Variants in SHROOM4 observed in about 807,000 individuals in gnomAD.
SHROOM4 encodes protein Shroom4.
SHROOM4 carries 17 observed loss-of-function variants against 80.3 expected under a neutral mutation model. The ratio of observed to expected loss-of-function variants is 0.21; its 90% confidence interval spans 0.14 to 0.32. SHROOM4 has a LOEUF of 0.32. Ranked by LOEUF, SHROOM4 falls within the 10% of genes least tolerant of loss-of-function variation. The pLI, the probability that SHROOM4 is intolerant of heterozygous loss-of-function variation, is 1.00. For missense variants in SHROOM4, 993 were observed against 1,140.3 expected (o/e 0.87, Z 1.86); for synonymous variants, 400 against 437.5 (o/e 0.91, Z 1.07).
intron 1 of SHROOM4, among the ~76,000 whole-genome samples, chrX:50,716,019 A>G (rs1461270077): frequency 9.0e-6 from 1 of 111,012 alleles, no homozygotes; most frequent in East Asian, 2.8e-4. Context: ...ACACTATGCA[A>G]CCTTAAAAAT....
At chrX:50,721,350 T>C (rs1370622622) in intron 1 of SHROOM4, among the ~76,000 whole-genome samples, 2 of 112,758 alleles carry the variant, frequency 1.8e-5, no homozygotes, top group Non-Finnish European at 3.8e-5. Context: ...TGAGGGCTGC[T>C]GGTTGCCCAT....
At chrX:50,777,902 A>G (rs1557270282) in intron 1 of SHROOM4, among the ~76,000 whole-genome samples, 1 of 112,218 alleles carries the variant, frequency 8.9e-6, no homozygotes, top group African/African-American at 3.2e-5. Context: ...TTCTTTTTCA[A>G]ACATTAGAGT....
chrX:50,596,379 C>T lies in SHROOM4; in HGVS notation c.*316G>A. 2.3e-6 allele frequency: 1 copy of T among 432,589 alleles called. No homozygotes were observed. Among genetic ancestry groups the T allele is most frequent in the African/African-American group, 2.4e-5 (1 of 42,223 alleles). The allele number at this position is 432,589 out of a possible 1,213,427, so 35.7% of individuals were successfully genotyped here. A position where few individuals can be genotyped will look rare whatever the true frequency, so the allele number is the denominator to read the frequency against. On this transcript the variant is annotated 3_prime_UTR_variant, in exon 9 of 9. Transcript: ENST00000376020. ...ATGAGTACTTGATGTCTTTGGTGTC[C>T]TAGTACAAAGCAGAATGAAGGCACT...
chrX:50,738,430 C>T (rs1557266900), intron 1 of SHROOM4, among the ~76,000 whole-genome samples: 1 of 111,263 alleles, frequency 9.0e-6, no homozygotes, highest in East Asian at 2.8e-4. Flanking sequence ...TTAGAAAACC[C>T]CATCGTCTCA....
the SHROOM4 span, among the ~76,000 whole-genome samples, chrX:50,579,973 G>A: frequency 1.8e-5 from 2 of 111,711 alleles, no homozygotes; most frequent in African/African-American, 3.3e-5. Flanking sequence ...TACTTGCTGT[G>A]TTCAAAGCAG....
At chrX:50,794,635 A>AAC (rs1331909075) in intron 1 of SHROOM4, among the ~76,000 whole-genome samples, 20 of 41,211 alleles carry the variant, frequency 4.9e-4, no homozygotes, top group Non-Finnish European at 6.3e-4. Context: ...GACACACACA[A>AAC]ACACACACAC....
At chrX:50,762,806 C>T (rs1935189201) in intron 1 of SHROOM4, among the ~76,000 whole-genome samples, 1 of 111,562 alleles carries the variant, frequency 9.0e-6, no homozygotes, top group Admixed American at 9.5e-5. Context: ...CATTTATTTT[C>T]TTGCTGCTCT....
At chrX:50,735,729 T>A (rs1934469809) in intron 1 of SHROOM4, among the ~76,000 whole-genome samples, 1 of 111,588 alleles carries the variant, frequency 9.0e-6, no homozygotes, top group Non-Finnish European at 1.9e-5. Flanking sequence ...TTAACGTGGC[T>A]GGGCGCAGTG....
intron 1 of SHROOM4, among the ~76,000 whole-genome samples, chrX:50,786,995 T>C (rs1436957595): frequency 1.8e-5 from 2 of 110,607 alleles, no homozygotes; most frequent in Admixed American, 1.9e-4. Flanking sequence ...GGCAGGAGGA[T>C]TGCTTGAGGC....
At chrX:50,683,432 A>G in intron 2 of SHROOM4, among the ~76,000 whole-genome samples, 1 of 111,841 alleles carries the variant, frequency 8.9e-6, no homozygotes, top group South Asian at 3.8e-4. Flanking sequence ...GCATTTTAAA[A>G]GATGACTCTG....
At chrX:50,617,715 G>A (rs1333810299) in intron 5 of SHROOM4, among the ~76,000 whole-genome samples, 1 of 104,034 alleles carries the variant, frequency 9.6e-6, no homozygotes, top group Non-Finnish European at 1.9e-5. Flanking sequence ...CCAAGTCATG[G>A]AACTGTGACC....
At chrX:50,663,809 A>T (rs566235028) in intron 2 of SHROOM4, among the ~76,000 whole-genome samples, 2 of 111,397 alleles carry the variant, frequency 1.8e-5, no homozygotes, top group East Asian at 5.7e-4. Context: ...ACTCATTTTG[A>T]TAACCACGTA....
chrX:50,638,200 C>A lies in SHROOM4; in HGVS notation c.378G>T (p.Leu126Phe). The change falls in exon 3 of 9, where the codon TTG becomes TTT. Residue 126 changes from leucine (L) to phenylalanine (F), a missense_variant. Transcript: ENST00000376020. ...TTGTGTTGCAGCCAGAATGCCAGGA[C>A]AAGCTGAAGGCTTCAGAAGGGAAAT... is the stretch of plus-strand genomic sequence containing the variant. ...TMHFPSEAFS[L>F]SWHSGCNTSD... 8.3e-7 allele frequency: 1 copy of A among 1,208,296 alleles called. No individual in the cohort carries two copies. The highest frequency in any genetic ancestry group is 1.1e-6 in the Non-Finnish European group (1 of 893,837).
At chrX:50,665,893 T>C (rs782755083) in intron 2 of SHROOM4, among the ~76,000 whole-genome samples, 1 of 111,890 alleles carries the variant, frequency 8.9e-6, no homozygotes, top group East Asian at 2.8e-4. Flanking sequence ...GAAGGCATCA[T>C]GGAAGAACTC....
At position 50,767,618 on chromosome X, in the gene SHROOM4, T is replaced by C. The variant is rs782221775; in HGVS notation, c.117+46284A>G. 9.0e-5 allele frequency among the ~76,000 whole-genome samples: 10 copies of C among 111,693 alleles called. No individual in the cohort carries two copies. The East Asian group carries it at 2.8e-3, about 31-fold the overall frequency. The stretch of plus-strand genomic sequence containing the variant: ...CTGTTTGAAAAATCTCAAAGGCTTC[T>C]TTTTTCTTTTTAAACTTATTACCAG... On this transcript the variant is annotated intron_variant, in intron 1 of 8. Transcript: ENST00000376020.
chrX:50,656,870 C>A (rs1932329692), intron 2 of SHROOM4, among the ~76,000 whole-genome samples: 2 of 110,879 alleles, frequency 1.8e-5, no homozygotes, highest in African/African-American at 3.3e-5. Context: ...ATTCTTCTAA[C>A]CCATGAACAT....
intron 1 of SHROOM4, among the ~76,000 whole-genome samples, chrX:50,720,730 G>T (rs1183321298): frequency 1.8e-5 from 2 of 111,621 alleles, no homozygotes; most frequent in African/African-American, 6.5e-5. Flanking sequence ...CAAGCCTAAG[G>T]TTTCACAGAG....
At chrX:50,710,921 A>G (rs1602452821) in intron 1 of SHROOM4, among the ~76,000 whole-genome samples, 2 of 111,087 alleles carry the variant, frequency 1.8e-5, no homozygotes, top group African/African-American at 6.6e-5. Flanking sequence ...CTTAGCCTTG[A>G]TCTAAGTCTC....
At chrX:50,729,939 T>C (rs1411478188) in intron 1 of SHROOM4, among the ~76,000 whole-genome samples, 1 of 111,620 alleles carries the variant, frequency 9.0e-6, no homozygotes, top group Non-Finnish European at 1.9e-5. Context: ...TCCCATATAA[T>C]AAAAACCTGA....
Sources: allele counts gnomAD v4.1 joint callset (sites outside exome capture counted in the v4.1 genomes callset), GRCh38; gene constraint gnomAD v4.1.1; transcripts MANE v1.5; gene names NCBI Gene and HGNC (gene_info 2026-07-23, HGNC 2026-07-21).